The following KIF6 variants were observed in gnomAD, a reference collection of about 807,000 sequenced individuals.
The protein encoded by KIF6 is kinesin family member 6.
Under a neutral mutation model 112.7 loss-of-function variants are expected in KIF6, and 106 were observed. That is an observed-to-expected ratio of 0.94 (90% CI 0.80 to 1.11). The LOEUF (loss-of-function observed/expected upper bound fraction) is 1.11. KIF6 is among the 50% of genes least tolerant of loss of function. The pLI is 0.00. For missense variants in KIF6, 929 were observed against 964.0 expected (o/e 0.96, Z 0.48); for synonymous variants, 339 against 339.9 (o/e 1.00, Z 0.03).
intron 3 of KIF6, among the ~76,000 whole-genome samples, chr6:39,661,206 T>A (rs1192538831): frequency 6.6e-6 from 1 of 152,214 alleles, no homozygotes; most frequent in Non-Finnish European, 1.5e-5. Context: ...AAATATTTGA[T>A]AATAATAATT....
At chr6:39,429,957 C>T (rs1358823487) in intron 14 of KIF6, among the ~76,000 whole-genome samples, 2 of 152,062 alleles carry the variant, frequency 1.3e-5, no homozygotes, top group African/African-American at 4.8e-5. Context: ...AAGGCAATGA[C>T]ATTTCTTCTC....
chr6:39,616,307 A>T (rs1193983171), intron 5 of KIF6, among the ~76,000 whole-genome samples: 1 of 152,194 alleles, frequency 6.6e-6, no homozygotes, highest in East Asian at 1.9e-4. Context: ...CAGCTTTGTC[A>T]CAAAATACAC....
rs187921244 is a variant in KIF6, at chr6:39,596,037, C to T, written c.846+17G>A. Reference sequence around the variant, plus strand: ...GGTAGCTATAGTTATTAATACATCCCACTCTGCCCATTTTACCTGTTCTAA... The same window carrying T: ...GGTAGCTATAGTTATTAATACATCCTACTCTGCCCATTTTACCTGTTCTAA... On this transcript the variant is annotated intron_variant, in intron 7 of 22. Coordinates refer to ENST00000287152, the MANE Select transcript of KIF6 (RefSeq NM_145027.6). 2,126 of 1,596,306 alleles carry T rather than the reference C, an allele frequency of 1.3e-3. 5 individuals carry two copies. Among genetic ancestry groups the T allele is most frequent in the Admixed American group, 2.6e-3 (153 of 59,886 alleles).
In KIF6 at chr6:39,626,744, C is replaced by T. The variant is rs139669033; in HGVS notation, c.509+8105G>A. On this transcript the variant is annotated intron_variant, in intron 5 of 22. Coordinates refer to ENST00000287152, the MANE Select transcript of KIF6 (RefSeq NM_145027.6). Reference sequence around the variant, plus strand: ...GAGGGAAGGGATTCAGGCAAACCTCCGGCATTAGAATCACCTGGGATGTTT... The same window carrying T: ...GAGGGAAGGGATTCAGGCAAACCTCTGGCATTAGAATCACCTGGGATGTTT... 3.1e-3 allele frequency among the ~76,000 whole-genome samples: 479 copies of T among 152,196 alleles called. 4 individuals carry two copies. The highest frequency in any genetic ancestry group is 0.011 in the African/African-American group (441 of 41,522).
intron 10 of KIF6, among the ~76,000 whole-genome samples, chr6:39,552,292 A>G (rs1779431088): frequency 6.6e-6 from 1 of 152,242 alleles, no homozygotes; most frequent in African/African-American, 2.4e-5. Flanking sequence ...AGGGACTATC[A>G]TAGTCTGGTT....
intron 4 of KIF6, among the ~76,000 whole-genome samples, chr6:39,636,934 T>C (rs575222749): frequency 2.0e-5 from 3 of 152,152 alleles, no homozygotes; most frequent in Non-Finnish European, 4.4e-5. Context: ...AGCCCTGATC[T>C]TGCATTCTGT....
intron 10 of KIF6, among the ~76,000 whole-genome samples, chr6:39,572,429 T>C (rs777259104): frequency 3.2e-4 from 48 of 152,122 alleles, no homozygotes; most frequent in Non-Finnish European, 6.0e-4. Context: ...ATGATTAGCG[T>C]CTAGTAGGTG....
chr6:39,423,632 G>T (rs1317227940), intron 14 of KIF6, among the ~76,000 whole-genome samples: 1 of 152,044 alleles, frequency 6.6e-6, no homozygotes, highest in African/African-American at 2.4e-5. Context: ...TACCCAAAAA[G>T]AACTAATCAT....
At chr6:39,654,813 A>G (rs1421621275) in intron 3 of KIF6, among the ~76,000 whole-genome samples, 1 of 152,184 alleles carries the variant, frequency 6.6e-6, no homozygotes, top group Non-Finnish European at 1.5e-5. Context: ...TTCACTCAAC[A>G]ATGTCTCTCA....
At chr6:39,523,852 A>C (rs1271588842) in intron 13 of KIF6, among the ~76,000 whole-genome samples, 3 of 151,646 alleles carry the variant, frequency 2.0e-5, no homozygotes, top group African/African-American at 4.8e-5. Flanking sequence ...GCCAGTTGAC[A>C]CAGGTACTGG....
chr6:39,580,424 T>C (rs777532873), intron 9 of KIF6, among the ~76,000 whole-genome samples: 6 of 152,102 alleles, frequency 3.9e-5, no homozygotes, highest in Non-Finnish European at 8.8e-5. Flanking sequence ...TAATTATCTG[T>C]AAGTAATGAC....
At chr6:39,346,124 T>TCC (rs1491353984) in intron 20 of KIF6, among the ~76,000 whole-genome samples, 2 of 70,264 alleles carry the variant, frequency 2.8e-5, no homozygotes, top group African/African-American at 1.5e-4. Flanking sequence ...TCCCTCTCCC[T>TCC]CCCTCTCCCT....
At chr6:39,434,302 G>T (rs556955328) in intron 13 of KIF6, among the ~76,000 whole-genome samples, 1 of 151,990 alleles carries the variant, frequency 6.6e-6, no homozygotes, top group African/African-American at 2.4e-5. Flanking sequence ...AATGGCTCAC[G>T]ACTGTAATCC....
At position 39,584,912 on chromosome 6, in the gene KIF6, T is replaced by C. The variant is rs1781535537; in HGVS notation, c.1063A>G (p.Ile355Val). 6 of 1,607,440 alleles carry C rather than the reference T, an allele frequency of 3.7e-6. No homozygotes were observed. The highest frequency in any genetic ancestry group is 4.5e-5 in the East Asian group (2 of 44,830). ...AAGTTGCTTACTAATCTGGGGTTAA[T>C]TTCTTCATTAAGAACAGCTTCATTC... ...IKNEAVLNEE[I>V]NPRLVIKRLQ... The change falls in exon 9 of 23, where the codon ATT becomes GTT. Residue 355 changes from isoleucine to valine, a missense_variant. Ile to Val is a conservative substitution (Grantham distance 29). This residue lies in a region of KIF6 where 688 missense variants were observed against 662.7 expected (regional missense o/e 1.04). Coordinates refer to ENST00000287152, the MANE Select transcript of KIF6 (RefSeq NM_145027.6).
chr6:39,533,461 G>C (rs1036534151), intron 13 of KIF6, among the ~76,000 whole-genome samples: 24 of 152,192 alleles, frequency 1.6e-4, no homozygotes, highest in African/African-American at 5.8e-4. Context: ...GCTGGGGGAG[G>C]GGCGCCCGCC....
chr6:39,519,132 G>C (rs943812889), intron 13 of KIF6, among the ~76,000 whole-genome samples: 15 of 152,134 alleles, frequency 9.9e-5, no homozygotes, highest in African/African-American at 3.1e-4. Context: ...AGTTGGAGTG[G>C]GGGGTACCGA....
In KIF6 at chr6:39,701,880, G is replaced by C. The variant is rs537390025; in HGVS notation, c.251+12812C>G. Among the ~76,000 whole-genome samples, 20 of 152,220 alleles carry C rather than the reference G, an allele frequency of 1.3e-4. No homozygotes were observed. The South Asian group carries it at 4.2e-3, about 32-fold the overall frequency. On this transcript the variant is annotated intron_variant, in intron 3 of 22. Transcript: ENST00000287152. ...TTTACACAACTATTATTTTGCTTTT[G>C]GACATTCAATATGAACTCAAAAGGA...
chr6:39,566,847 A>ACATTGTTTT (rs1250261414), intron 10 of KIF6, among the ~76,000 whole-genome samples: 1 of 152,260 alleles, frequency 6.6e-6, no homozygotes. Flanking sequence ...ATTAAATGAA[A>ACATTGTTTT]CATTGTTTTT....
intron 16 of KIF6, among the ~76,000 whole-genome samples, chr6:39,365,926 G>A (rs542317722): frequency 6.6e-6 from 1 of 152,312 alleles, no homozygotes; most frequent in South Asian, 2.1e-4. Flanking sequence ...TAGGGGGGAC[G>A]GCCAGGGCGG....
Sources: allele counts gnomAD v4.1 joint callset (sites outside exome capture counted in the v4.1 genomes callset), GRCh38; gene constraint gnomAD v4.1.1; regional missense constraint gnomAD v4.1.1; transcripts MANE v1.5; gene names NCBI Gene and HGNC (gene_info 2026-07-23, HGNC 2026-07-21).